The following R3HDM2 variants were observed in gnomAD, a reference collection of about 807,000 sequenced individuals.
R3HDM2 encodes the protein R3H domain containing 2.
R3HDM2 carries 38 observed loss-of-function variants against 124.5 expected under a neutral mutation model. The ratio of observed to expected loss-of-function variants is 0.31; its 90% CI spans 0.24 to 0.40. The LOEUF (loss-of-function observed/expected upper bound fraction) is 0.40, where lower values mean the gene tolerates loss of function less well. Ranked by LOEUF, R3HDM2 falls within the 10% of genes least tolerant of loss-of-function variation. R3HDM2 has a pLI of 1.00. For missense variants in R3HDM2, 869 were observed against 1,236.9 expected (o/e 0.70, Z 4.46); for synonymous variants, 391 against 448.0 (o/e 0.87, Z 1.61).
intron 8 of R3HDM2, 154 bp downstream of exon 8, chr12:57,297,174 A>G: frequency 3.7e-6 from 2 of 543,810 alleles, no homozygotes; most frequent in Admixed American, 7.3e-5. Context: ...AAAGATATAA[A>G]TTATTTTTCA....
chr12:57,308,954 G>A (rs765065654), intron 3 of R3HDM2, among the ~76,000 whole-genome samples: 18 of 152,224 alleles, frequency 1.2e-4, no homozygotes. Context: ...GTCTCCACAA[G>A]CTCTGGAAGA....
chr12:57,428,642 G>A (rs529540663), intron 1 of R3HDM2, among the ~76,000 whole-genome samples: 42 of 152,100 alleles, frequency 2.8e-4, no homozygotes, highest in African/African-American at 9.2e-4. Context: ...GTGACATAGC[G>A]AGAAAGAACA....
intron 1 of R3HDM2, among the ~76,000 whole-genome samples, chr12:57,427,360 T>A (rs1042621106): frequency 2.1e-4 from 32 of 149,976 alleles, no homozygotes; most frequent in African/African-American, 7.6e-4. Context: ...TGAAGCTTTT[T>A]TTTTTTTGAG....
At chr12:57,368,080 C>G (rs1413726626) in intron 2 of R3HDM2, among the ~76,000 whole-genome samples, 1 of 151,360 alleles carries the variant, frequency 6.6e-6, no homozygotes, top group Non-Finnish European at 1.5e-5. Context: ...ATTATAAGCT[C>G]ACATATGTTG....
At chr12:57,312,052 C>G (rs374358409) in intron 2 of R3HDM2, among the ~76,000 whole-genome samples, 1 of 152,218 alleles carries the variant, frequency 6.6e-6, no homozygotes, top group African/African-American at 2.4e-5. Context: ...TACTTCAACC[C>G]TGAAGACTTC....
intron 3 of R3HDM2, among the ~76,000 whole-genome samples, chr12:57,303,894 T>A (rs894555261): frequency 2.2e-4 from 33 of 152,314 alleles, no homozygotes; most frequent in African/African-American, 7.7e-4. Context: ...AACCATGGTA[T>A]CCTGTCTTAT....
chr12:57,272,311 G>C (rs2043754811), intron 14 of R3HDM2: 1 of 716,692 alleles, frequency 1.4e-6, no homozygotes, highest in Non-Finnish European at 2.5e-6. Flanking sequence ...TTCAGCCTGT[G>C]CTGGTCCCTC....
At chr12:57,344,187 T>C (rs1315402913) in intron 2 of R3HDM2, among the ~76,000 whole-genome samples, 1 of 152,182 alleles carries the variant, frequency 6.6e-6, no homozygotes, top group African/African-American at 2.4e-5. Flanking sequence ...TTCTGAACTA[T>C]AAGAATAGCC....
intron 12 of R3HDM2, 49 bp from the exon 13 acceptor site, chr12:57,284,105 G>T: frequency 6.9e-7 from 1 of 1,449,392 alleles, no homozygotes; most frequent in Non-Finnish European, 9.5e-7. Context: ...CACTTTAGCA[G>T]AAGGGCTAGG....
At chr12:57,415,599 GA>G (rs2069506156) in intron 1 of R3HDM2, among the ~76,000 whole-genome samples, 1 of 144,008 alleles carries the variant, frequency 6.9e-6, no homozygotes, top group Non-Finnish European at 1.5e-5. Flanking sequence ...AAAAAAAGCA[GA>G]AAGATTCCTT....
chr12:57,279,713 A>G (rs1226172226), intron 14 of R3HDM2, among the ~76,000 whole-genome samples: 1 of 152,130 alleles, frequency 6.6e-6, no homozygotes, highest in African/African-American at 2.4e-5. Context: ...GTTCTGGTTT[A>G]GAACAGGACT....
Position 57,295,509 on chromosome 12 carries a change from T to A in R3HDM2, c.702-2A>T. On this transcript the variant is annotated splice_acceptor_variant, in intron 9 of 23. Transcript: ENST00000402412. LOFTEE classifies it high-confidence loss of function. ...TGTTCTGAGAACCTCTGTTCAGGGCTGAGATTTGGAGAGAAATGTGAAAGG... is the reference window on the plus strand; with the variant it reads ...TGTTCTGAGAACCTCTGTTCAGGGCAGAGATTTGGAGAGAAATGTGAAAGG... The A allele has an allele frequency of 6.5e-7, 1 of 1,547,158 alleles. No individual in the cohort carries two copies. The highest frequency in any genetic ancestry group is 8.7e-7 in the Non-Finnish European group (1 of 1,143,176).
intron 2 of R3HDM2, among the ~76,000 whole-genome samples, chr12:57,370,302 T>C (rs1420906786): frequency 6.6e-6 from 1 of 151,756 alleles, no homozygotes; most frequent in Non-Finnish European, 1.5e-5. Context: ...GTAAGTTTCC[T>C]GAGGCCTCCC....
chr12:57,318,172 A>G (rs2055590556), intron 2 of R3HDM2, among the ~76,000 whole-genome samples: 1 of 151,882 alleles, frequency 6.6e-6, no homozygotes, highest in South Asian at 2.1e-4. Context: ...TCTGCCTGTA[A>G]TTCCAGCTAC....
chr12:57,380,601 G>C (rs925021664), intron 2 of R3HDM2, among the ~76,000 whole-genome samples: 5 of 152,132 alleles, frequency 3.3e-5, no homozygotes, highest in African/African-American at 1.2e-4. Flanking sequence ...TCCGAAACTT[G>C]TCTACAACAA....
At chr12:57,284,215 G>C (rs2046829839) in intron 12 of R3HDM2, among the ~76,000 whole-genome samples, 159 bp from the exon 13 acceptor site, 1 of 152,224 alleles carries the variant, frequency 6.6e-6, no homozygotes. Flanking sequence ...ACTAAGAGTT[G>C]ATGGGAGCAG....
intron 1 of R3HDM2, among the ~76,000 whole-genome samples, chr12:57,426,250 A>G (rs993537158): frequency 6.6e-6 from 1 of 152,136 alleles, no homozygotes; most frequent in African/African-American, 2.4e-5. Context: ...TAATTAATTA[A>G]TTAAGGAAAG....
intron 3 of R3HDM2, among the ~76,000 whole-genome samples, chr12:57,305,856 A>G (rs1482204965): frequency 6.6e-6 from 1 of 152,248 alleles, no homozygotes; most frequent in Non-Finnish European, 1.5e-5. Context: ...TAAAATGGTG[A>G]GCCAAAATTG....
chr12:57,389,411 A>G (rs1415010800), intron 2 of R3HDM2, among the ~76,000 whole-genome samples: 2 of 152,248 alleles, frequency 1.3e-5, no homozygotes, highest in Non-Finnish European at 2.9e-5. Flanking sequence ...CAAGAGCTCA[A>G]AGTCATCTAA....
Sources: gnomAD v4.1 joint callset for allele counts (sites outside exome capture counted in the v4.1 genomes callset) on GRCh38, gnomAD v4.1.1 for gene constraint, MANE v1.5 for transcripts, NCBI Gene and HGNC (gene_info 2026-07-23, HGNC 2026-07-21) for gene names.